The following ETV1 variants were observed in gnomAD, a reference collection of about 807,000 sequenced individuals.
The protein encoded by ETV1 is ETS translocation variant 1.
ETV1 carries 27 observed loss-of-function variants against 62.3 expected under a neutral mutation model. The ratio of observed to expected loss-of-function variants is 0.43; its 90% CI spans 0.32 to 0.60. The LOEUF (loss-of-function observed/expected upper bound fraction) is 0.60. ETV1 is among the 20% of genes least tolerant of loss of function. ETV1 has a pLI of 0.06. For missense variants in ETV1, 605 were observed against 605.8 expected, an observed-to-expected ratio of 1.00 and a Z score of 0.01; for synonymous variants, 222 against 199.6, an observed-to-expected ratio of 1.11 and a Z score of -0.94.
At chr7:13,926,082 A>C (rs1163762099) in intron 9 of ETV1, among the ~76,000 whole-genome samples, 4 of 152,158 alleles carry the variant, frequency 2.6e-5, no homozygotes, top group African/African-American at 7.2e-5. Flanking sequence ...TTTTTCAAAA[A>C]TCTGACTTCT....
In ETV1 at chr7:13,893,128, A is replaced by C. The variant is rs915542855; in HGVS notation, c.*2738T>G. ...TTGAGTATAAGTGTTTGTTGCAATTAATCTATTGGGTATTAACATGTCATC... is the reference window on the plus strand; with the variant it reads ...TTGAGTATAAGTGTTTGTTGCAATTCATCTATTGGGTATTAACATGTCATC... On this transcript the variant is annotated 3_prime_UTR_variant, in exon 14 of 14. Transcript: ENST00000430479. 6.5e-5 allele frequency: 15 copies of C among 232,536 alleles called. No homozygotes were observed. Among genetic ancestry groups the C allele is most frequent in the African/African-American group, 3.3e-4 (15 of 45,312 alleles). The allele number at this position is 232,536 out of a possible 1,614,324, so 14.4% of individuals were successfully genotyped here.
At chr7:13,982,130 G>A (rs1432506215) in intron 5 of ETV1, among the ~76,000 whole-genome samples, 3 of 151,950 alleles carry the variant, frequency 2.0e-5, no homozygotes, top group South Asian at 2.1e-4. Flanking sequence ...AGTTTTAGTC[G>A]TTGTGTCAAA....
At chr7:13,983,422 T>A (rs1013675190) in intron 5 of ETV1, among the ~76,000 whole-genome samples, 2 of 151,990 alleles carry the variant, frequency 1.3e-5, no homozygotes, top group African/African-American at 4.8e-5. Flanking sequence ...GACTTTCAGG[T>A]TGTTAAGAAT....
intron 9 of ETV1, among the ~76,000 whole-genome samples, chr7:13,930,858 T>C (rs959648011): frequency 2.0e-5 from 3 of 151,954 alleles, no homozygotes; most frequent in Non-Finnish European, 2.9e-5. Context: ...TGGAGTGCAG[T>C]GGTGCGATCT....
rs1392976639 is a variant in ETV1 at position 13,968,669 on chromosome 7, T to C, written c.235+8758A>G. On this transcript the variant is annotated intron_variant, in intron 6 of 13. Coordinates refer to ENST00000430479, the MANE Select transcript of ETV1 (RefSeq NM_004956.5). ...TACATTATTCCCCCATGAATTACGT[T>C]TTTTTCTAAAACCCACTTTTCAAGT... is the stretch of plus-strand genomic sequence containing the variant. 4.6e-5 allele frequency among the ~76,000 whole-genome samples: 7 copies of C among 152,022 alleles called. No individual in the cohort carries two copies. In the East Asian group the frequency reaches 1.2e-3, roughly 25 times the overall value.
At chr7:13,965,926 C>T (rs1790728338) in intron 6 of ETV1, among the ~76,000 whole-genome samples, 1 of 152,134 alleles carries the variant, frequency 6.6e-6, no homozygotes, top group Non-Finnish European at 1.5e-5. Context: ...AGAAACTATT[C>T]ATTCAATTCA....
At chr7:13,930,223 C>G (rs1018323513) in intron 9 of ETV1, among the ~76,000 whole-genome samples, 1 of 152,010 alleles carries the variant, frequency 6.6e-6, no homozygotes, top group Non-Finnish European at 1.5e-5. Flanking sequence ...AACAGATGTC[C>G]TGATTTGGCA....
chr7:13,952,967 T>C lies in ETV1; in HGVS notation c.236-13721A>G, dbSNP rs560410418. Among the ~76,000 whole-genome samples, 7 of 152,312 alleles carry C rather than the reference T, an allele frequency of 4.6e-5. No individual in the cohort carries two copies. The East Asian group carries it at 1.4e-3, about 29-fold the overall frequency. ...AGGAGAAAGTGCCCTGGGAGGAAAC[T>C]GGTTCTTCCATCTGGAAAAAGGATA... On this transcript the variant is annotated intron_variant, in intron 6 of 13. Coordinates refer to ENST00000430479, the MANE Select transcript of ETV1 (RefSeq NM_004956.5).
At chr7:13,930,055 A>G (rs1039995522) in intron 9 of ETV1, among the ~76,000 whole-genome samples, 1 of 152,178 alleles carries the variant, frequency 6.6e-6, no homozygotes, top group Non-Finnish European at 1.5e-5. Context: ...TATCCAGACA[A>G]AAGGAAATGA....
At chr7:13,950,163 A>G (rs1332244995) in intron 6 of ETV1, among the ~76,000 whole-genome samples, 3 of 152,154 alleles carry the variant, frequency 2.0e-5, no homozygotes, top group South Asian at 2.1e-4. Flanking sequence ...AGGAATCACA[A>G]TTGGAAGCCC....
chr7:13,909,428 T>A (rs1304095068), intron 11 of ETV1, among the ~76,000 whole-genome samples: 1 of 152,086 alleles, frequency 6.6e-6, no homozygotes, highest in Non-Finnish European at 1.5e-5. Context: ...AAAAATGAAC[T>A]CCCTCCTAAC....
chr7:13,991,400 C>G (rs556313149), upstream of ETV1: 1 of 152,240 alleles, frequency 6.6e-6, no homozygotes, highest in African/African-American at 2.4e-5. Context: ...TAGGTCCCGG[C>G]GAGGTTCTTC....
chr7:13,956,210 T>C (rs1171642670), intron 6 of ETV1, among the ~76,000 whole-genome samples: 1 of 152,220 alleles, frequency 6.6e-6, no homozygotes, highest in African/African-American at 2.4e-5. Flanking sequence ...AGAAATGTTC[T>C]TAATTTTCAC....
At chr7:13,984,176 C>G (rs1323427837) in intron 5 of ETV1, among the ~76,000 whole-genome samples, 1 of 151,938 alleles carries the variant, frequency 6.6e-6, no homozygotes, top group Non-Finnish European at 1.5e-5. Context: ...GGAATTCTAA[C>G]TCATGCGAGA....
At chr7:13,927,828 A>G (rs2128445023) in intron 9 of ETV1, among the ~76,000 whole-genome samples, 1 of 152,284 alleles carries the variant, frequency 6.6e-6, no homozygotes, top group Middle Eastern at 3.4e-3. Flanking sequence ...GAAAGATACA[A>G]TTTTACCATT....
At chr7:13,934,768 A>G (rs1248291984) in intron 8 of ETV1, among the ~76,000 whole-genome samples, 2 of 152,178 alleles carry the variant, frequency 1.3e-5, no homozygotes, top group Non-Finnish European at 2.9e-5. Flanking sequence ...GTGCTATTGC[A>G]TCTTTGCAAC....
rs1305866558 is a variant in ETV1 at position 13,892,917 on chromosome 7, G to A, written c.*2949C>T. 2 of 231,818 alleles carry A rather than the reference G, an allele frequency of 8.6e-6. No individual in the cohort carries two copies. Among genetic ancestry groups the A allele is most frequent in the Non-Finnish European group, 1.7e-5 (2 of 117,298 alleles). The allele number at this position is 231,818 out of a possible 1,614,324, so 14.4% of individuals were successfully genotyped here. A position where few individuals can be genotyped will look rare whatever the true frequency, so the allele number is the denominator to read the frequency against. ...GGCTTCTTTTGAACTTCTGCCTCCA[G>A]AACTATAAGATAAATTTGTGTAAAT... On this transcript the variant is annotated 3_prime_UTR_variant, in exon 14 of 14. Coordinates refer to ENST00000430479, the MANE Select transcript of ETV1 (RefSeq NM_004956.5).
At chr7:13,958,330 GC>G (rs1329178315) in intron 6 of ETV1, among the ~76,000 whole-genome samples, 1 of 152,012 alleles carries the variant, frequency 6.6e-6, no homozygotes, top group East Asian at 1.9e-4. Context: ...ACTTTTGCTA[GC>G]CCACAAAATG....
intron 6 of ETV1, among the ~76,000 whole-genome samples, chr7:13,945,506 A>AT (rs995505288): frequency 2.0e-5 from 3 of 150,630 alleles, no homozygotes; most frequent in Non-Finnish European, 3.0e-5. Flanking sequence ...GGCAAAAAAA[A>AT]TTTTTTTTTT....
Sources: gnomAD v4.1 joint callset for allele counts (sites outside exome capture counted in the v4.1 genomes callset) on GRCh38, gnomAD v4.1.1 for gene constraint, MANE v1.5 for transcripts, NCBI Gene and HGNC (gene_info 2026-07-23, HGNC 2026-07-21) for gene names.